Variants in B3GLCT observed in about 807,000 individuals in gnomAD.
B3GLCT encodes the protein beta-1,3-glucosyltransferase.
In B3GLCT, 65 loss-of-function variants were observed where a neutral mutation model predicts 63.4. The ratio of observed to expected loss-of-function variants is 1.03; its 90% confidence interval spans 0.84 to 1.26. B3GLCT has a LOEUF of 1.26. Among genes scored for constraint, B3GLCT ranks in the 50% most tolerant of loss-of-function variants. The probability of loss-of-function intolerance (pLI) is 0.00; values close to 1 mark genes in which losing one functional copy is unlikely to be tolerated. For synonymous variants in B3GLCT, 233 were observed against 219.2 expected, an observed-to-expected ratio of 1.06 and a Z score of -0.55; for missense variants, 577 against 604.8, an observed-to-expected ratio of 0.95 and a Z score of 0.48.
chr13:31,234,409 A>G (rs1486589093), intron 4 of B3GLCT, among the ~76,000 whole-genome samples: 1 of 152,146 alleles, frequency 6.6e-6, no homozygotes, highest in African/African-American at 2.4e-5. Context: ...GAAGTGGGGC[A>G]GGGGAGCTGA....
intron 2 of B3GLCT, among the ~76,000 whole-genome samples, chr13:31,218,201 T>C (rs1358728815): frequency 6.7e-6 from 1 of 149,590 alleles, no homozygotes; most frequent in African/African-American, 2.5e-5. Context: ...TTTTTTTTTT[T>C]TTTTTGAGAT....
At chr13:31,257,216 A>T (rs1317340929) in intron 6 of B3GLCT, among the ~76,000 whole-genome samples, 1 of 152,174 alleles carries the variant, frequency 6.6e-6, no homozygotes, top group Non-Finnish European at 1.5e-5. Flanking sequence ...TAATCGTGAA[A>T]GGTTTTAATA....
At chr13:31,317,430 G>T in intron 12 of B3GLCT, 136 bp from the exon 13 acceptor site, 1 of 996,530 alleles carries the variant, frequency 1.0e-6, no homozygotes. Context: ...TATTTTATAA[G>T]TCACTCAAAT....
chr13:31,253,850 G>A (rs1053707347), intron 6 of B3GLCT, among the ~76,000 whole-genome samples: 5 of 151,760 alleles, frequency 3.3e-5, no homozygotes, highest in Admixed American at 3.3e-4. Context: ...TGATAAAGGG[G>A]ATATCACCAC....
intron 6 of B3GLCT, among the ~76,000 whole-genome samples, chr13:31,253,984 T>A (rs1435638757): frequency 5.9e-5 from 9 of 152,036 alleles, no homozygotes; most frequent in Admixed American, 5.2e-4. Flanking sequence ...CAAGAAGAAG[T>A]CGAATCCCTG....
chr13:31,212,528 C>T (rs1240476764), intron 1 of B3GLCT, among the ~76,000 whole-genome samples: 1 of 152,118 alleles, frequency 6.6e-6, no homozygotes, highest in Non-Finnish European at 1.5e-5. Flanking sequence ...CCACCTCGGC[C>T]TCCCAAAGTG....
chr13:31,207,220 A>G (rs2137731398), intron 1 of B3GLCT, among the ~76,000 whole-genome samples: 1 of 152,336 alleles, frequency 6.6e-6, no homozygotes, highest in East Asian at 1.9e-4. Flanking sequence ...ATATTTTTAT[A>G]AGTTAAGCCT....
intron 10 of B3GLCT, among the ~76,000 whole-genome samples, chr13:31,282,623 C>T (rs548168440): frequency 2.3e-5 from 3 of 130,426 alleles, no homozygotes; most frequent in South Asian, 4.8e-4. Flanking sequence ...GCCTGGGCAA[C>T]AGAGCGAGAG....
chr13:31,208,967 A>G (rs540920324), intron 1 of B3GLCT, among the ~76,000 whole-genome samples: 1 of 150,386 alleles, frequency 6.6e-6, no homozygotes, highest in African/African-American at 2.5e-5. Flanking sequence ...CGGCCGGGTC[A>G]CCCCCTCCCC....
chr13:31,256,955 A>G (rs4943285), intron 6 of B3GLCT, among the ~76,000 whole-genome samples: 49,848 of 151,922 alleles, frequency 0.33, 9,104 homozygotes, highest in Non-Finnish European at 0.42. Flanking sequence ...TGGAACACTG[A>G]GTTATTCTTT....
Position 31,247,931 on chromosome 13 carries a change from C to G in B3GLCT, c.424C>G (p.Leu142Val). The change falls in exon 6 of 15, where the codon CTC becomes GTC. Residue 142 changes from leucine (L) to valine (V), a missense_variant. Physicochemically the swap from Leu to Val is conservative, Grantham distance 32. Coordinates refer to ENST00000343307, the MANE Select transcript of B3GLCT (RefSeq NM_194318.4). The stretch of plus-strand genomic sequence containing the variant: ...AGAGACAAGAATACAGATTCCAAAA[C>G]TCTTGGAAACCCTCAGAAGATATGA... ...EEETRIQIPK[L>V]LETLRRYDPS... is the part of the protein sequence containing the mutation. The G allele has an allele frequency of 6.2e-7, 1 of 1,608,856 alleles. No homozygotes were observed. The highest frequency in any genetic ancestry group is 1.7e-5 in the Admixed American group (1 of 60,006).
intron 4 of B3GLCT, among the ~76,000 whole-genome samples, chr13:31,246,240 G>A (rs1871190018): frequency 6.6e-6 from 1 of 152,158 alleles, no homozygotes; most frequent in South Asian, 2.1e-4. Flanking sequence ...AAGCATATGA[G>A]ATATGAAATT....
intron 8 of B3GLCT, among the ~76,000 whole-genome samples, chr13:31,274,150 G>A (rs1283754543): frequency 6.6e-6 from 1 of 152,178 alleles, no homozygotes; most frequent in Non-Finnish European, 1.5e-5. Flanking sequence ...TAAGCAAGTT[G>A]AGTATTTGGG....
At chr13:31,242,716 A>G (rs1312774169) in intron 4 of B3GLCT, among the ~76,000 whole-genome samples, 1 of 152,236 alleles carries the variant, frequency 6.6e-6, no homozygotes, top group East Asian at 1.9e-4. Context: ...GTTAAAATAG[A>G]TTTATATGAG....
At position 31,323,896 on chromosome 13, in the gene B3GLCT, G is replaced by C; in HGVS notation, c.1329+1G>C. The C allele has an allele frequency of 6.2e-7, 1 of 1,614,184 alleles. No individual in the cohort carries two copies. The highest frequency in any genetic ancestry group is 8.5e-7 in the Non-Finnish European group (1 of 1,180,004). On this transcript the variant is annotated splice_donor_variant, in intron 14 of 14. Coordinates refer to ENST00000343307, the MANE Select transcript of B3GLCT (RefSeq NM_194318.4). LOFTEE classifies it high-confidence loss of function. ...GACACACAGCCCTCTCTTCCATCAG[G>C]TGAGGAAATGGTTTTTATTCTTCCC...
intron 12 of B3GLCT, among the ~76,000 whole-genome samples, chr13:31,315,356 T>C (rs1566095421): frequency 6.6e-6 from 1 of 152,168 alleles, no homozygotes; most frequent in Non-Finnish European, 1.5e-5. Flanking sequence ...GAGGAACTTA[T>C]TGGGAACTGG....
At position 31,327,696 on chromosome 13, in the gene B3GLCT, G is replaced by A. The variant is rs114169000; in HGVS notation, c.1330-1805G>A. ...CTCTCAGAGGGCCTTGCAAAGAAAC[G>A]TCGTATAATAAATGAATTCCTTCAA... On this transcript the variant is annotated intron_variant, in intron 14 of 14. Coordinates refer to ENST00000343307, the MANE Select transcript of B3GLCT (RefSeq NM_194318.4). Among the ~76,000 whole-genome samples the A allele has an allele frequency of 5.4e-3, 816 of 152,266 alleles. 5 individuals carry two copies. Among genetic ancestry groups the A allele is most frequent in the African/African-American group, 0.018 (765 of 41,540 alleles).
chr13:31,328,891 A>G (rs1225260098), intron 14 of B3GLCT, among the ~76,000 whole-genome samples: 1 of 152,132 alleles, frequency 6.6e-6, no homozygotes, highest in Non-Finnish European at 1.5e-5. Flanking sequence ...TAATATAAAA[A>G]CTTTTTAGGT....
At chr13:31,210,396 A>G (rs1384009050) in intron 1 of B3GLCT, among the ~76,000 whole-genome samples, 1 of 152,260 alleles carries the variant, frequency 6.6e-6, no homozygotes, top group Non-Finnish European at 1.5e-5. Flanking sequence ...GGAAATTAAT[A>G]TGAAGCAAAC....
Sources: gnomAD v4.1 joint callset for allele counts (sites outside exome capture counted in the v4.1 genomes callset) on GRCh38, gnomAD v4.1.1 for gene constraint, MANE v1.5 for transcripts, NCBI Gene and HGNC (gene_info 2026-07-23, HGNC 2026-07-21) for gene names.